NHSL2: variants seen among roughly 807,000 people sequenced by gnomAD.
The protein encoded by NHSL2 is NHS like 2, also known as NHS-like protein 2.
NHSL2 carries 27 observed loss-of-function variants against 53.4 expected under a neutral mutation model. The observed-to-expected ratio is 0.51, with a 90% CI of 0.37 to 0.70. The LOEUF (loss-of-function observed/expected upper bound fraction) is 0.70, where lower values mean the gene tolerates loss of function less well. NHSL2 is among the 30% of genes least tolerant of loss of function. The pLI is 0.00. For synonymous variants in NHSL2, 408 were observed against 404.1 expected, an observed-to-expected ratio of 1.01 and a Z score of -0.12; for missense variants, 892 against 980.1, an observed-to-expected ratio of 0.91 and a Z score of 1.20.
chrX:71,963,956 TATACAC>T (rs1280026375), intron 1 of NHSL2, among the ~76,000 whole-genome samples: 5 of 4,816 alleles, frequency 1.0e-3, no homozygotes, highest in African/African-American at 2.9e-3. Context: ...TGGCTATATA[TATACAC>T]ATATATATAT....
chrX:72,050,686 G>A (rs1227093928), intron 1 of NHSL2, among the ~76,000 whole-genome samples: 1 of 110,914 alleles, frequency 9.0e-6, no homozygotes, highest in Non-Finnish European at 1.9e-5. Context: ...TTGAGGTGAG[G>A]AGTTTGAAAC....
At position 72,150,406 on chromosome X, in the gene NHSL2, A is replaced by G. The variant is rs1244416229; in HGVS notation, c.*6832A>G. 2 of 112,124 alleles carry G rather than the reference A, an allele frequency of 1.8e-5. No individual in the cohort carries two copies. Among genetic ancestry groups the G allele is most frequent in the African/African-American group, 6.5e-5 (2 of 30,821 alleles). The allele number at this position is 112,124 out of a possible 1,213,427, so 9.2% of individuals were successfully genotyped here. ...TTTAAAAGTAGGGTACAACCCAACC[A>G]ATATTAGCTTTCCCAGAGTCTACTT... On this transcript the variant is annotated 3_prime_UTR_variant, in exon 8 of 8. Coordinates refer to ENST00000633930, the MANE Select transcript of NHSL2 (RefSeq NM_001013627.3).
intron 1 of NHSL2, among the ~76,000 whole-genome samples, chrX:72,051,778 G>A (rs2042341783): frequency 9.0e-6 from 1 of 111,204 alleles, no homozygotes; most frequent in African/African-American, 3.3e-5. Flanking sequence ...TTCCACTTGC[G>A]GGTCTCTCTC....
At chrX:72,130,135 T>A in intron 1 of NHSL2, 1 of 1,210,815 alleles carries the variant, frequency 8.3e-7, no homozygotes, top group African/African-American at 1.7e-5. Flanking sequence ...CGGCTCCATC[T>A]CCATCAGCTC....
intron 1 of NHSL2, among the ~76,000 whole-genome samples, chrX:72,064,306 A>G (rs1453736391): frequency 8.9e-6 from 1 of 111,901 alleles, no homozygotes; most frequent in Non-Finnish European, 1.9e-5. Flanking sequence ...TTGCACCTGG[A>G]AATTCCCCAC....
chrX:72,098,442 G>A (rs1461896845), intron 1 of NHSL2, among the ~76,000 whole-genome samples: 34 of 110,495 alleles, frequency 3.1e-4, no homozygotes, highest in Non-Finnish European at 3.8e-5. Flanking sequence ...TTAGCCGGGC[G>A]TGGTGGCGGG....
intron 1 of NHSL2, among the ~76,000 whole-genome samples, chrX:72,110,395 C>T (rs1356493934): frequency 9.0e-6 from 1 of 111,212 alleles, no homozygotes; most frequent in Non-Finnish European, 1.9e-5. Flanking sequence ...TCGTTGTGTC[C>T]TCAAGGTCCC....
At chrX:72,095,087 G>A (rs1034071941) in intron 1 of NHSL2, among the ~76,000 whole-genome samples, 3 of 111,918 alleles carry the variant, frequency 2.7e-5, no homozygotes, top group African/African-American at 9.7e-5. Context: ...CTTGGCCCCT[G>A]TTGCCATGGC....
At chrX:72,056,385 G>T (rs1159618260) in intron 1 of NHSL2, among the ~76,000 whole-genome samples, 1 of 111,873 alleles carries the variant, frequency 8.9e-6, no homozygotes, top group Non-Finnish European at 1.9e-5. Flanking sequence ...ATATAGTGGG[G>T]CATTATGCAG....
intron 1 of NHSL2, among the ~76,000 whole-genome samples, chrX:71,970,717 T>G (rs1238812217): frequency 9.0e-6 from 1 of 110,640 alleles, no homozygotes; most frequent in Non-Finnish European, 1.9e-5. Flanking sequence ...TCTTTTATTA[T>G]TTCCTTCCTT....
At chrX:71,999,075 A>G (rs757342542) in intron 1 of NHSL2, among the ~76,000 whole-genome samples, 1 of 111,848 alleles carries the variant, frequency 8.9e-6, no homozygotes, top group African/African-American at 3.3e-5. Context: ...GCCTCCCTCA[A>G]CCTCCTTGTG....
chrX:72,074,489 C>T (rs1262651961), intron 1 of NHSL2, among the ~76,000 whole-genome samples: 1 of 112,142 alleles, frequency 8.9e-6, no homozygotes, highest in East Asian at 2.8e-4. Flanking sequence ...TTTCCTGGTG[C>T]CCTCCTCCCA....
intron 2 of NHSL2, among the ~76,000 whole-genome samples, chrX:72,132,919 A>G (rs892587371): frequency 8.9e-6 from 1 of 111,941 alleles, no homozygotes; most frequent in African/African-American, 3.3e-5. Context: ...AATAAAGGTT[A>G]ACTCTAATGG....
Position 72,143,313 on chromosome X carries a change from G to C in NHSL2, c.3417G>C (p.Thr1139=), listed in dbSNP as rs1212286903. The C allele has an allele frequency of 1.7e-6, 2 of 1,166,378 alleles. No individual in the cohort carries two copies. Among genetic ancestry groups the C allele is most frequent in the Middle Eastern group, 4.7e-4 (2 of 4,266 alleles). The change falls in exon 8 of 8, where the codon ACG becomes ACC. Residue 1139 remains threonine, a synonymous_variant. Transcript: ENST00000633930. The part of the protein sequence containing the change: ...EPGEAFVGGR[T]SSHSPIKNTA... ...GTGAGGCCTTTGTGGGTGGCAGAAC[G>C]AGTTCCCACTCACCAATAAAGAACA...
chrX:71,963,564 A>G lies in NHSL2; in HGVS notation c.280+52197A>G, dbSNP rs752708550. On this transcript the variant is annotated intron_variant, in intron 1 of 7. Transcript: ENST00000633930. ...TCTCTAGGAGACACTCTTTAAATTC[A>G]AAGATACAAATAGATTGAAAGTAAA... Among the ~76,000 whole-genome samples, 13 of 110,980 alleles carry G rather than the reference A, an allele frequency of 1.2e-4. No individual in the cohort carries two copies. The South Asian group carries it at 5.0e-3, about 43-fold the overall frequency.
chrX:72,011,152 G>A (rs761052192), intron 1 of NHSL2, among the ~76,000 whole-genome samples: 5 of 111,811 alleles, frequency 4.5e-5, no homozygotes, highest in African/African-American at 1.6e-4. Flanking sequence ...TTTTATTGCC[G>A]AGTAGTCTTC....
At chrX:71,954,598 T>C (rs1176182916) in intron 1 of NHSL2, among the ~76,000 whole-genome samples, 2 of 112,270 alleles carry the variant, frequency 1.8e-5, no homozygotes, top group Non-Finnish European at 3.8e-5. Context: ...TGTCAGGATG[T>C]GGCCTGGAGC....
intron 1 of NHSL2, among the ~76,000 whole-genome samples, chrX:72,018,825 G>A (rs2042147471): frequency 8.9e-6 from 1 of 112,945 alleles, no homozygotes; most frequent in African/African-American, 3.2e-5. Flanking sequence ...AAAGGCCGGC[G>A]CTGCCTTTGG....
intron 1 of NHSL2, among the ~76,000 whole-genome samples, chrX:72,069,015 C>G (rs1166762423): frequency 1.8e-5 from 2 of 112,826 alleles, no homozygotes; most frequent in Non-Finnish European, 3.8e-5. Flanking sequence ...GCAGCTGTCA[C>G]TTACAGAACT....
Sources: gnomAD v4.1 joint callset for allele counts (sites outside exome capture counted in the v4.1 genomes callset) on GRCh38, gnomAD v4.1.1 for gene constraint, MANE v1.5 for transcripts, NCBI Gene and HGNC (gene_info 2026-07-23, HGNC 2026-07-21) for gene names.